The following PXDNL variants were observed in gnomAD, a reference collection of about 807,000 sequenced individuals.
PXDNL encodes peroxidasin like.
In PXDNL, 145 loss-of-function variants were observed where a neutral mutation model predicts 150.8. That is an observed-to-expected ratio of 0.96 (90% CI 0.84 to 1.10). PXDNL has a LOEUF of 1.10. Ranked by LOEUF, PXDNL falls within the 50% of genes least tolerant of loss-of-function variation. The pLI is 0.00. For missense variants in PXDNL, 2,087 were observed against 1,873.9 expected (o/e 1.11, Z -2.10); for synonymous variants, 757 against 725.7 (o/e 1.04, Z -0.69).
At chr8:51,637,124 T>G (rs1204588795) in intron 2 of PXDNL, among the ~76,000 whole-genome samples, 1 of 152,182 alleles carries the variant, frequency 6.6e-6, no homozygotes, top group African/African-American at 2.4e-5. Context: ...GACCTGCAGC[T>G]GAGGGTCCTG....
At chr8:51,649,220 G>C (rs1814985216) in intron 2 of PXDNL, among the ~76,000 whole-genome samples, 1 of 152,086 alleles carries the variant, frequency 6.6e-6, no homozygotes, top group Non-Finnish European at 1.5e-5. Flanking sequence ...GAAAAAAACG[G>C]CAGTAGTTGC....
At chr8:51,775,651 A>T (rs2037344186) in intron 1 of PXDNL, among the ~76,000 whole-genome samples, 1 of 152,200 alleles carries the variant, frequency 6.6e-6, no homozygotes, top group Non-Finnish European at 1.5e-5. Flanking sequence ...CACTTCCCCA[A>T]TCAATACTCT....
chr8:51,564,208 T>G (rs1384307790), intron 3 of PXDNL, among the ~76,000 whole-genome samples: 2 of 151,952 alleles, frequency 1.3e-5, no homozygotes, highest in African/African-American at 4.8e-5. Context: ...CAAAAGTATA[T>G]GACACAATGT....
At chr8:51,655,707 C>A (rs1174207129) in intron 1 of PXDNL, among the ~76,000 whole-genome samples, 1 of 152,100 alleles carries the variant, frequency 6.6e-6, no homozygotes, top group Non-Finnish European at 1.5e-5. Flanking sequence ...CAAGCCAGGC[C>A]AGCTGGAGTT....
Position 51,778,352 on chromosome 8 carries a change from A to C in PXDNL, c.164+30829T>G, listed in dbSNP as rs553920703. On this transcript the variant is annotated intron_variant, in intron 1 of 22. Transcript: ENST00000356297. ...TGTATTCCTTCACAAAAGATTTTTC[A>C]CTACTATGAAATTCATGACGGTGAC... 8.5e-5 allele frequency among the ~76,000 whole-genome samples: 13 copies of C among 152,230 alleles called. No individual in the cohort carries two copies. In the East Asian group the frequency reaches 2.5e-3, roughly 29 times the overall value.
Position 51,720,483 on chromosome 8 carries a change from T to C in PXDNL, c.165-65723A>G, listed in dbSNP as rs555141113. 2.0e-5 allele frequency among the ~76,000 whole-genome samples: 3 copies of C among 152,316 alleles called. No individual in the cohort carries two copies. The South Asian group carries it at 6.2e-4, about 32-fold the overall frequency. ...TGTGGTGTTATTTATATGAATCACA[T>C]GTGAATAAGTATGTTCTTTTTTGAG... On this transcript the variant is annotated intron_variant, in intron 1 of 22. Transcript: ENST00000356297.
Position 51,409,003 on chromosome 8 carries a change from G to A in PXDNL, c.2621C>T (p.Pro874Leu). Residue 874 changes from proline to leucine, a missense_variant, in exon 17 of 23, where the codon CCC (proline) becomes CTC (leucine). Transcript: ENST00000356297. Reference sequence around the variant, plus strand: ...ATAGACTGAATCCACCGTCGCAGAGGGACGGCCGCTGGCACACGCGGGGCT... The same window carrying A: ...ATAGACTGAATCCACCGTCGCAGAGAGACGGCCGCTGGCACACGCGGGGCT... ...RSSPACASGRPSATVDSVYAR... is the reference protein window; with the variant it reads ...RSSPACASGRLSATVDSVYAR... 6.2e-7 allele frequency: 1 copy of A among 1,611,310 alleles called. No homozygotes were observed.
In PXDNL at chr8:51,456,068, C is replaced by G. The variant is rs569006996; in HGVS notation, c.982+1430G>C. ...CCACCAACTCTCTTCTGCCCTGTGGCAATTGCCGCTGCTGACTTCCTCATC... is the reference window on the plus strand; with the variant it reads ...CCACCAACTCTCTTCTGCCCTGTGGGAATTGCCGCTGCTGACTTCCTCATC... On this transcript the variant is annotated intron_variant, in intron 9 of 22. Transcript: ENST00000356297. Among the ~76,000 whole-genome samples, 6 of 152,326 alleles carry G rather than the reference C, an allele frequency of 3.9e-5. 1 individual carries two copies. The South Asian group carries it at 1.0e-3, about 26-fold the overall frequency.
At chr8:51,761,739 C>T (rs1276723993) in intron 1 of PXDNL, among the ~76,000 whole-genome samples, 2 of 151,998 alleles carry the variant, frequency 1.3e-5, no homozygotes, top group Non-Finnish European at 2.9e-5. Context: ...AGTTTGTTGT[C>T]TGAGAAAAGG....
intron 21 of PXDNL, among the ~76,000 whole-genome samples, chr8:51,338,484 G>A (rs1459689951): frequency 6.6e-6 from 1 of 152,228 alleles, no homozygotes; most frequent in Non-Finnish European, 1.5e-5. Context: ...GAGGATACTT[G>A]TTCTGAATGA....
At chr8:51,587,056 C>T (rs1272097404) in intron 3 of PXDNL, among the ~76,000 whole-genome samples, 2 of 152,148 alleles carry the variant, frequency 1.3e-5, no homozygotes, top group Non-Finnish European at 2.9e-5. Flanking sequence ...AGTAACATGA[C>T]TATTATCACA....
At chr8:51,521,029 T>G (rs1333968105) in intron 4 of PXDNL, among the ~76,000 whole-genome samples, 1 of 152,050 alleles carries the variant, frequency 6.6e-6, no homozygotes, top group Non-Finnish European at 1.5e-5. Context: ...CGCCAGGAGT[T>G]TGACACCAGC....
intron 4 of PXDNL, among the ~76,000 whole-genome samples, chr8:51,529,128 C>T (rs1468331734): frequency 1.3e-5 from 2 of 152,230 alleles, no homozygotes; most frequent in South Asian, 2.1e-4. Flanking sequence ...GATACTTTAA[C>T]GTCAATCACA....
intron 11 of PXDNL, 59 bp from the exon 12 acceptor site, chr8:51,447,221 G>T: frequency 6.5e-7 from 1 of 1,549,722 alleles, no homozygotes; most frequent in Non-Finnish European, 8.8e-7. Flanking sequence ...AGCCAGAGCT[G>T]CTGGCTGTCC....
intron 7 of PXDNL, among the ~76,000 whole-genome samples, chr8:51,473,570 C>A (rs1322472892): frequency 6.6e-6 from 1 of 151,940 alleles, no homozygotes; most frequent in African/African-American, 2.4e-5. Flanking sequence ...GAATGGAGAA[C>A]ACTGAGTTGG....
At chr8:51,701,637 T>G (rs78178388) in intron 1 of PXDNL, among the ~76,000 whole-genome samples, 2 of 152,188 alleles carry the variant, frequency 1.3e-5, no homozygotes, top group Non-Finnish European at 2.9e-5. Flanking sequence ...TTGCTGTAAT[T>G]AAATCGATTA....
intron 7 of PXDNL, among the ~76,000 whole-genome samples, chr8:51,473,404 T>C (rs1810394527): frequency 6.6e-6 from 1 of 151,716 alleles, no homozygotes; most frequent in Non-Finnish European, 1.5e-5. Flanking sequence ...TATGGAGGGA[T>C]AGGTAGGTCA....
At chr8:51,513,823 A>T (rs1236220347) in intron 4 of PXDNL, among the ~76,000 whole-genome samples, 1 of 152,220 alleles carries the variant, frequency 6.6e-6, no homozygotes, top group East Asian at 1.9e-4. Context: ...TGTTCTAAAT[A>T]TTCTGGCCTG....
At chr8:51,788,827 T>G (rs111938373) in intron 1 of PXDNL, among the ~76,000 whole-genome samples, 20 of 152,290 alleles carry the variant, frequency 1.3e-4, no homozygotes, top group African/African-American at 4.8e-4. Flanking sequence ...GTAGAGGTGT[T>G]CCAAGCTCTG....
Sources: allele counts gnomAD v4.1 joint callset (sites outside exome capture counted in the v4.1 genomes callset), GRCh38; gene constraint gnomAD v4.1.1; transcripts MANE v1.5; gene names NCBI Gene and HGNC (gene_info 2026-07-23, HGNC 2026-07-21).